ZDHHC21: variants seen among roughly 807,000 people sequenced by gnomAD.
The protein encoded by ZDHHC21 is zDHHC palmitoyltransferase 21, also known as palmitoyltransferase ZDHHC21.
In ZDHHC21, 15 loss-of-function variants were observed where a neutral mutation model predicts 34.6. That is an observed-to-expected ratio of 0.43 (90% CI 0.29 to 0.67). The LOEUF (loss-of-function observed/expected upper bound fraction) is 0.67. ZDHHC21 is among the 30% of genes least tolerant of loss of function. The pLI, the probability that ZDHHC21 is intolerant of heterozygous loss-of-function variation, is 0.14. For synonymous variants in ZDHHC21, 142 were observed against 101.8 expected, an observed-to-expected ratio of 1.40 and a Z score of -2.38; for missense variants, 344 against 327.7, an observed-to-expected ratio of 1.05 and a Z score of -0.38.
At chr9:14,677,616 CTGAT>C (rs1203886839) in intron 3 of ZDHHC21, 1 of 152,144 alleles carries the variant, frequency 6.6e-6, no homozygotes, top group African/African-American at 2.4e-5. Context: ...ACTCAAAACT[CTGAT>C]TAAGTAACTA....
At chr9:14,606,682 G>A (rs1210137632), downstream of ZDHHC21, among the ~76,000 whole-genome samples, 1 of 151,816 alleles carries the variant, frequency 6.6e-6, no homozygotes, top group African/African-American at 2.4e-5. Context: ...AAAAGCAACT[G>A]GAACAATCAC....
intron 6 of ZDHHC21, among the ~76,000 whole-genome samples, chr9:14,659,133 G>A (rs375267329): frequency 8.5e-5 from 13 of 152,088 alleles, no homozygotes; most frequent in Admixed American, 7.9e-4. Flanking sequence ...ACAACTCAGC[G>A]AGACAGGAAG....
At chr9:14,608,847 C>A (rs1202200537), downstream of ZDHHC21, among the ~76,000 whole-genome samples, 1 of 152,038 alleles carries the variant, frequency 6.6e-6, no homozygotes, top group Non-Finnish European at 1.5e-5. Flanking sequence ...TATCTGGCAA[C>A]TTCTCAAATG....
intron 6 of ZDHHC21, 69 bp downstream of exon 6, chr9:14,662,146 T>G (rs1833510555): frequency 2.7e-6 from 3 of 1,108,426 alleles, no homozygotes; most frequent in African/African-American, 1.6e-5. Context: ...TGTTTAAAGC[T>G]GCCAAGTTGT....
chr9:14,662,156 T>G lies in ZDHHC21; in HGVS notation c.365+59A>C, dbSNP rs576316851. On this transcript the variant is annotated intron_variant, in intron 6 of 9. Coordinates refer to ENST00000380916, the MANE Select transcript of ZDHHC21 (RefSeq NM_178566.6). ...ACTGTTGTTTAAAGCTGCCAAGTTG[T>G]AAGATTTACATTTTATTACCCACCC... is the stretch of plus-strand genomic sequence containing the variant. The G allele has an allele frequency of 7.8e-6, 10 of 1,275,444 alleles. No individual in the cohort carries two copies. In the South Asian group the frequency reaches 1.1e-4, roughly 14 times the overall value. 79.0% of individuals were successfully genotyped at this position (1,275,444 alleles called of 1,614,324 possible).
intron 8 of ZDHHC21, among the ~76,000 whole-genome samples, chr9:14,632,432 T>A (rs961198448): frequency 6.6e-6 from 1 of 151,948 alleles, no homozygotes; most frequent in East Asian, 1.9e-4. Flanking sequence ...CTTCACACAA[T>A]GTACAAAAAT....
intron 8 of ZDHHC21, among the ~76,000 whole-genome samples, chr9:14,630,831 T>C (rs746626947): frequency 6.6e-5 from 10 of 152,246 alleles, no homozygotes; most frequent in Non-Finnish European, 1.5e-4. Context: ...CTTTTTTTCC[T>C]GAGCAGTAGT....
At chr9:14,691,628 C>T (rs978813536) in intron 1 of ZDHHC21, among the ~76,000 whole-genome samples, 3 of 152,154 alleles carry the variant, frequency 2.0e-5, no homozygotes, top group Non-Finnish European at 2.9e-5. Flanking sequence ...AAAAGTGACA[C>T]GGTCCTCATC....
At chr9:14,666,097 G>A (rs933183155) in intron 5 of ZDHHC21, among the ~76,000 whole-genome samples, 6 of 148,790 alleles carry the variant, frequency 4.0e-5, no homozygotes, top group African/African-American at 1.5e-4. Context: ...CTGTATTCAG[G>A]AAACCCATCT....
At chr9:14,665,953 T>G (rs943091533) in intron 5 of ZDHHC21, among the ~76,000 whole-genome samples, 1 of 147,596 alleles carries the variant, frequency 6.8e-6, no homozygotes, top group Non-Finnish European at 1.5e-5. Flanking sequence ...ACGAGCAAAA[T>G]CACCAGCTAT....
intron 8 of ZDHHC21, among the ~76,000 whole-genome samples, chr9:14,638,599 T>C (rs1828724700): frequency 6.6e-6 from 1 of 151,570 alleles, no homozygotes; most frequent in Admixed American, 6.6e-5. Flanking sequence ...AGACAACCTG[T>C]AGAATGAGAC....
At chr9:14,600,210 C>G in the ZDHHC21 span, among the ~76,000 whole-genome samples, 1 of 152,186 alleles carries the variant, frequency 6.6e-6, no homozygotes, top group Non-Finnish European at 1.5e-5. Flanking sequence ...GAGAGGAAGT[C>G]ACATTGTCTC....
chr9:14,644,801 T>C (rs974947447), intron 7 of ZDHHC21, among the ~76,000 whole-genome samples: 1 of 148,804 alleles, frequency 6.7e-6, no homozygotes, highest in Admixed American at 6.8e-5. Flanking sequence ...TTTATATATA[T>C]ACACACATAC....
At chr9:14,684,821 A>C (rs1217306299) in intron 2 of ZDHHC21, among the ~76,000 whole-genome samples, 1 of 152,248 alleles carries the variant, frequency 6.6e-6, no homozygotes, top group African/African-American at 2.4e-5. Context: ...GGCTACAGTA[A>C]CCAAAACACC....
intron 1 of ZDHHC21, among the ~76,000 whole-genome samples, chr9:14,692,744 G>A (rs1193596815): frequency 6.6e-6 from 1 of 152,034 alleles, no homozygotes. Context: ...GGAGCAAACT[G>A]TTTGTCCTCT....
chr9:14,689,045 T>C (rs1289090732), intron 2 of ZDHHC21, among the ~76,000 whole-genome samples: 2 of 152,094 alleles, frequency 1.3e-5, no homozygotes, highest in Non-Finnish European at 1.5e-5. Flanking sequence ...AGATCCTGTC[T>C]CAAACAAAAA....
At chr9:14,685,911 C>T (rs1160696333) in intron 2 of ZDHHC21, among the ~76,000 whole-genome samples, 4 of 152,058 alleles carry the variant, frequency 2.6e-5, no homozygotes, top group Admixed American at 6.6e-5. Context: ...TGTAGGGACA[C>T]GGATGAAGCC....
chr9:14,620,217 CG>C (rs1177980123), intron 8 of ZDHHC21, among the ~76,000 whole-genome samples: 1 of 151,704 alleles, frequency 6.6e-6, no homozygotes, highest in East Asian at 1.9e-4. Context: ...TCTTTCTTAG[CG>C]GAAAAAATAA....
At chr9:14,599,477 C>G in the ZDHHC21 span, among the ~76,000 whole-genome samples, 2 of 152,092 alleles carry the variant, frequency 1.3e-5, no homozygotes, top group African/African-American at 4.8e-5. Flanking sequence ...CCTCAGGTGC[C>G]TATATCACCA....
Sources: gnomAD v4.1 joint callset for allele counts (sites outside exome capture counted in the v4.1 genomes callset) on GRCh38, gnomAD v4.1.1 for gene constraint, MANE v1.5 for transcripts, NCBI Gene and HGNC (gene_info 2026-07-23, HGNC 2026-07-21) for gene names.